The following INPP4B variants were observed in gnomAD, a reference collection of about 807,000 sequenced individuals.
INPP4B encodes inositol polyphosphate 4-phosphatase type II.
Under a neutral mutation model 122.5 loss-of-function variants are expected in INPP4B, and 55 were observed. That is an observed-to-expected ratio of 0.45 (90% CI 0.36 to 0.56). INPP4B has a LOEUF of 0.56. Among genes scored for constraint, INPP4B ranks in the 20% least tolerant of loss-of-function variants. The pLI is 0.00. For synonymous variants in INPP4B, 403 were observed against 388.7 expected (o/e 1.04, Z -0.43); for missense variants, 1,000 against 1,097.7 (o/e 0.91, Z 1.26).
intron 2 of INPP4B, among the ~76,000 whole-genome samples, chr4:142,588,793 C>G (rs1425910756): frequency 6.6e-6 from 1 of 151,664 alleles, no homozygotes; most frequent in Non-Finnish European, 1.5e-5. Flanking sequence ...TTAAACAAAA[C>G]CCCAAAAATC....
intron 9 of INPP4B, among the ~76,000 whole-genome samples, chr4:142,277,976 G>A (rs1749431099): frequency 6.6e-6 from 1 of 151,502 alleles, no homozygotes; most frequent in Admixed American, 6.6e-5. Context: ...TCGGATGATG[G>A]GTGCACCAAA....
intron 25 of INPP4B, among the ~76,000 whole-genome samples, chr4:142,078,027 T>C (rs1398884945): frequency 6.6e-6 from 1 of 151,846 alleles, no homozygotes; most frequent in Non-Finnish European, 1.5e-5. Flanking sequence ...GTCTTAATGA[T>C]ACAGGCAACC....
At chr4:142,057,446 TA>T (rs1251231686) in intron 25 of INPP4B, among the ~76,000 whole-genome samples, 29 of 151,914 alleles carry the variant, frequency 1.9e-4, no homozygotes, top group African/African-American at 6.8e-4. Flanking sequence ...CATTTATGAT[TA>T]AAAAAAGATA....
At chr4:142,642,963 C>G (rs1391009573) in intron 2 of INPP4B, among the ~76,000 whole-genome samples, 2 of 152,128 alleles carry the variant, frequency 1.3e-5, no homozygotes, top group African/African-American at 2.4e-5. Context: ...GTTTGTAGTT[C>G]TCCTTGAAGA....
At chr4:142,655,361 C>T (rs747473774) in intron 2 of INPP4B, among the ~76,000 whole-genome samples, 10 of 152,070 alleles carry the variant, frequency 6.6e-5, no homozygotes, top group Non-Finnish European at 1.3e-4. Flanking sequence ...TTCAGTGAGT[C>T]CTCTTTGTGT....
intron 3 of INPP4B, among the ~76,000 whole-genome samples, chr4:142,451,119 A>G (rs1173090606): frequency 6.6e-6 from 1 of 151,912 alleles, no homozygotes; most frequent in East Asian, 1.9e-4. Context: ...TGACATACTC[A>G]TCTCTGGTTC....
intron 2 of INPP4B, among the ~76,000 whole-genome samples, chr4:142,505,034 A>T (rs1823827032): frequency 6.6e-6 from 1 of 152,102 alleles, no homozygotes; most frequent in African/African-American, 2.4e-5. Context: ...GTTTTATTTG[A>T]GACCAGTCTG....
chr4:142,490,089 T>C (rs993190999), intron 2 of INPP4B, among the ~76,000 whole-genome samples: 1 of 152,064 alleles, frequency 6.6e-6, no homozygotes, highest in African/African-American at 2.4e-5. Context: ...TTTCCTTTTT[T>C]TTTGTTCAGA....
At chr4:142,201,377 T>C (rs1840559516) in intron 14 of INPP4B, among the ~76,000 whole-genome samples, 1 of 152,082 alleles carries the variant, frequency 6.6e-6, no homozygotes, top group South Asian at 2.1e-4. Context: ...ACCAATACTT[T>C]CTATGAAAGT....
chr4:142,206,967 G>A (rs550022160), intron 14 of INPP4B, among the ~76,000 whole-genome samples: 7 of 151,770 alleles, frequency 4.6e-5, no homozygotes, highest in Admixed American at 3.3e-4. Flanking sequence ...TCAACCTCCC[G>A]AAGCCCCTGG....
At chr4:142,130,769 T>G (rs1406654378) in intron 18 of INPP4B, among the ~76,000 whole-genome samples, 1 of 152,136 alleles carries the variant, frequency 6.6e-6, no homozygotes, top group Non-Finnish European at 1.5e-5. Context: ...TCCACATGTA[T>G]GAGAAATAAC....
intron 2 of INPP4B, among the ~76,000 whole-genome samples, chr4:142,606,969 T>C (rs1741399668): frequency 6.6e-6 from 1 of 151,972 alleles, no homozygotes; most frequent in African/African-American, 2.4e-5. Context: ...ATTAGAAACC[T>C]AAATATACAA....
At chr4:142,693,538 T>C (rs1760552255) in intron 2 of INPP4B, among the ~76,000 whole-genome samples, 1 of 135,648 alleles carries the variant, frequency 7.4e-6, no homozygotes, top group African/African-American at 2.9e-5. Flanking sequence ...AAAAAAAGCC[T>C]GACATCTTTA....
chr4:142,286,329 C>A (rs1753662027), intron 9 of INPP4B, among the ~76,000 whole-genome samples: 1 of 152,028 alleles, frequency 6.6e-6, no homozygotes, highest in African/African-American at 2.4e-5. Flanking sequence ...TGGCCTTTGT[C>A]ATCTCTAAAT....
chr4:142,274,375 C>T (rs1747368711), intron 9 of INPP4B, among the ~76,000 whole-genome samples: 2 of 151,766 alleles, frequency 1.3e-5, no homozygotes, highest in Admixed American at 1.3e-4. Flanking sequence ...CTGTTCCATA[C>T]TATTAGCACT....
chr4:142,803,187 GAAA>G (rs1454301190), intron 1 of INPP4B, among the ~76,000 whole-genome samples: 1 of 139,286 alleles, frequency 7.2e-6, no homozygotes, highest in Non-Finnish European at 1.6e-5. Flanking sequence ...AAAAAAAAAA[GAAA>G]GAAAGAAAGA....
Position 142,024,250 on chromosome 4 carries a change from A to C in INPP4B, c.*4532T>G, listed in dbSNP as rs1736331118. On this transcript the variant is annotated 3_prime_UTR_variant, in exon 26 of 26. Coordinates refer to ENST00000262992, the MANE Select transcript of INPP4B (RefSeq NM_001101669.3). ...TAAATTAAAACTGCCAAAGCAACAA[A>C]AGATATAATATATTGGGACTTTATA... 6.6e-6 allele frequency: 1 copy of C among 152,180 alleles called. No homozygotes were observed. The highest frequency in any genetic ancestry group is 6.6e-5 in the Admixed American group (1 of 15,256). 9.4% of individuals were successfully genotyped at this position (152,180 alleles called of 1,614,324 possible).
At chr4:142,087,507 G>A (rs1777435573) in intron 23 of INPP4B, among the ~76,000 whole-genome samples, 1 of 152,160 alleles carries the variant, frequency 6.6e-6, no homozygotes, top group South Asian at 2.1e-4. Flanking sequence ...GGTTGGATAA[G>A]TACTGTATAG....
intron 23 of INPP4B, among the ~76,000 whole-genome samples, chr4:142,096,473 A>C (rs1781833618): frequency 6.6e-6 from 1 of 152,150 alleles, no homozygotes; most frequent in Non-Finnish European, 1.5e-5. Context: ...TGTTGCTTGT[A>C]CTGCTGTTTG....
Sources: allele counts gnomAD v4.1 joint callset (sites outside exome capture counted in the v4.1 genomes callset), GRCh38; gene constraint gnomAD v4.1.1; transcripts MANE v1.5; gene names NCBI Gene and HGNC (gene_info 2026-07-23, HGNC 2026-07-21).